Variants in UBE2E2 observed in about 807,000 individuals in gnomAD.
UBE2E2 encodes ubiquitin conjugating enzyme E2 E2, also known as ubiquitin-conjugating enzyme E2 E2.
UBE2E2 carries 6 observed loss-of-function variants against 24.7 expected under a neutral mutation model. The observed-to-expected ratio is 0.24, with a 90% CI of 0.13 to 0.48. The LOEUF is 0.48. Among genes scored for constraint, UBE2E2 ranks in the 20% least tolerant of loss-of-function variants. UBE2E2 has a pLI of 0.99. For synonymous variants in UBE2E2, 104 were observed against 83.6 expected, an observed-to-expected ratio of 1.24 and a Z score of -1.33; for missense variants, 169 against 245.0, an observed-to-expected ratio of 0.69 and a Z score of 2.07.
At chr3:23,435,369 A>G (rs1282305436) in intron 3 of UBE2E2, among the ~76,000 whole-genome samples, 1 of 152,244 alleles carries the variant, frequency 6.6e-6, no homozygotes, top group Non-Finnish European at 1.5e-5. Context: ...GCTTGGAGAT[A>G]AAAGTTAAGT....
intron 3 of UBE2E2, among the ~76,000 whole-genome samples, chr3:23,343,882 T>C (rs1695472345): frequency 1.3e-5 from 2 of 152,352 alleles, no homozygotes; most frequent in South Asian, 4.1e-4. Context: ...TTTTATGTAG[T>C]TGTAGTTTAT....
At chr3:23,552,539 G>A (rs56132801) in intron 5 of UBE2E2, among the ~76,000 whole-genome samples, 44,056 of 151,894 alleles carry the variant, frequency 0.29, 6,844 homozygotes, top group East Asian at 0.51. Context: ...ACCAAGGAGA[G>A]GTTTTGGGTT....
chr3:23,218,929 A>AT (rs1696553602), intron 3 of UBE2E2, among the ~76,000 whole-genome samples: 1 of 152,206 alleles, frequency 6.6e-6, no homozygotes, highest in African/African-American at 2.4e-5. Flanking sequence ...CCTTAGTGAC[A>AT]TCATTACTAG....
chr3:23,356,453 C>A lies in UBE2E2; in HGVS notation c.227+139141C>A, dbSNP rs139676660. On this transcript the variant is annotated intron_variant, in intron 3 of 5. Coordinates refer to ENST00000396703, the MANE Select transcript of UBE2E2 (RefSeq NM_152653.4). ...TAGGACTAAGGCTTCATCCTGATGTCAGCCTGTGGTGGTACATTCTGACAC... is the reference window on the plus strand; with the variant it reads ...TAGGACTAAGGCTTCATCCTGATGTAAGCCTGTGGTGGTACATTCTGACAC... Among the ~76,000 whole-genome samples, 359 of 152,312 alleles carry A rather than the reference C, an allele frequency of 2.4e-3. 3 individuals carry two copies. Among genetic ancestry groups the A allele is most frequent in the African/African-American group, 8.3e-3 (343 of 41,562 alleles).
At chr3:23,379,351 G>A (rs1028183094) in intron 3 of UBE2E2, among the ~76,000 whole-genome samples, 3 of 150,226 alleles carry the variant, frequency 2.0e-5, no homozygotes, top group Middle Eastern at 3.4e-3. Context: ...CCACTAACTC[G>A]TCATCTAGCA....
intron 5 of UBE2E2, among the ~76,000 whole-genome samples, chr3:23,552,339 A>T (rs1268172114): frequency 6.6e-6 from 1 of 152,166 alleles, no homozygotes; most frequent in African/African-American, 2.4e-5. Flanking sequence ...AGCAACAGAG[A>T]GAGACCCCTT....
At position 23,546,460 on chromosome 3, in the gene UBE2E2, A is replaced by ATTTTT. The variant is rs899923576; in HGVS notation, c.508+13784_508+13788dup. On this transcript the variant is annotated intron_variant, in intron 5 of 5. Coordinates refer to ENST00000396703, the MANE Select transcript of UBE2E2 (RefSeq NM_152653.4). Reference sequence around the variant, plus strand: ...AATTTCTGAAGTCAAGAACATTTAGATTTTTTTTTTTTTTTTTTTTTTTTT... The same window carrying ATTTTT: ...AATTTCTGAAGTCAAGAACATTTAGATTTTTTTTTTTTTTTTTTTTTTTTTTTTTT... Among the ~76,000 whole-genome samples, 22 of 76,900 alleles carry ATTTTT rather than the reference A, an allele frequency of 2.9e-4. 1 individual carries two copies. Among genetic ancestry groups the ATTTTT allele is most frequent in the Middle Eastern group, 8.5e-3 (1 of 118 alleles). The allele number at this position is 76,900 out of a possible 152,430, so 50.4% of individuals were successfully genotyped here. A position where few individuals can be genotyped will look rare whatever the true frequency, so the allele number is the denominator to read the frequency against.
At chr3:23,508,537 C>T (rs1227669660) in intron 4 of UBE2E2, among the ~76,000 whole-genome samples, 3 of 152,140 alleles carry the variant, frequency 2.0e-5, no homozygotes, top group African/African-American at 7.2e-5. Context: ...ATTGCTCAAG[C>T]CAGCTTAATT....
At chr3:23,517,054 G>T (rs920391923) in intron 4 of UBE2E2, among the ~76,000 whole-genome samples, 2 of 152,012 alleles carry the variant, frequency 1.3e-5, no homozygotes, top group Non-Finnish European at 2.9e-5. Flanking sequence ...TGAAGAAAGT[G>T]CATTCTTCTA....
chr3:23,568,643 ACGCACATATATGTATACATATATACG>A, intron 5 of UBE2E2, among the ~76,000 whole-genome samples: 1 of 146,656 alleles, frequency 6.8e-6, no homozygotes, highest in South Asian at 2.1e-4. Flanking sequence ...ATACATATAT[ACGCACATATATGTATACATATATACG>A]CACATATATG....
intron 3 of UBE2E2, among the ~76,000 whole-genome samples, chr3:23,350,425 A>G (rs1025683411): frequency 1.1e-4 from 17 of 152,210 alleles, no homozygotes; most frequent in Admixed American, 2.0e-4. Context: ...GCTTCAGACA[A>G]TCAAACTACT....
intron 5 of UBE2E2, among the ~76,000 whole-genome samples, chr3:23,545,576 A>G (rs1575697783): frequency 6.6e-6 from 1 of 152,330 alleles, no homozygotes; most frequent in South Asian, 2.1e-4. Flanking sequence ...TCCTATGTCT[A>G]CTTCTTTCTA....
intron 3 of UBE2E2, among the ~76,000 whole-genome samples, chr3:23,357,848 A>ATT (rs11391624): frequency 1.3e-5 from 2 of 151,622 alleles, no homozygotes; most frequent in African/African-American, 2.4e-5. Context: ...AATCTATTTA[A>ATT]TTTTTTTTGA....
chr3:23,302,149 A>C (rs2125264645), intron 3 of UBE2E2, among the ~76,000 whole-genome samples: 1 of 152,234 alleles, frequency 6.6e-6, no homozygotes, highest in Admixed American at 6.5e-5. Flanking sequence ...TCTGTCTCCC[A>C]GTCTGTGATG....
intron 3 of UBE2E2, among the ~76,000 whole-genome samples, chr3:23,414,634 G>C (rs965414743): frequency 1.3e-5 from 2 of 152,168 alleles, no homozygotes; most frequent in Non-Finnish European, 2.9e-5. Context: ...TAATTTGGAG[G>C]AGGATGCTAT....
At chr3:23,452,498 G>A (rs998604093) in intron 3 of UBE2E2, among the ~76,000 whole-genome samples, 9 of 152,156 alleles carry the variant, frequency 5.9e-5, no homozygotes, top group African/African-American at 1.9e-4. Context: ...AGAAAGTTTA[G>A]TGTAAAAGTC....
At chr3:23,452,747 G>T (rs998322156) in intron 3 of UBE2E2, among the ~76,000 whole-genome samples, 5 of 152,146 alleles carry the variant, frequency 3.3e-5, no homozygotes, top group Admixed American at 3.3e-4. Flanking sequence ...GAAAAGGAGG[G>T]TATGTCAGGA....
chr3:23,488,127 A>T (rs924216458), intron 3 of UBE2E2, among the ~76,000 whole-genome samples: 24 of 152,056 alleles, frequency 1.6e-4, no homozygotes, highest in African/African-American at 5.8e-4. Flanking sequence ...AAGTATATTG[A>T]GTGTCTTGTA....
At chr3:23,244,145 AAG>A (rs1553634069) in intron 3 of UBE2E2, among the ~76,000 whole-genome samples, 2 of 151,710 alleles carry the variant, frequency 1.3e-5, no homozygotes. Flanking sequence ...GAAAAAAAAA[AAG>A]AATCAACTAT....
Sources: gnomAD v4.1 joint callset for allele counts (sites outside exome capture counted in the v4.1 genomes callset) on GRCh38, gnomAD v4.1.1 for gene constraint, MANE v1.5 for transcripts, NCBI Gene and HGNC (gene_info 2026-07-23, HGNC 2026-07-21) for gene names.